IQCH: variants seen among roughly 807,000 people sequenced by gnomAD.
IQCH encodes IQ motif containing H, also known as IQ domain-containing protein H.
In IQCH, 98 loss-of-function variants were observed where a neutral mutation model predicts 117.0. That is an observed-to-expected ratio of 0.84 (90% CI 0.71 to 0.99). IQCH has a LOEUF of 0.99. Among genes scored for constraint, IQCH ranks in the 50% least tolerant of loss-of-function variants. IQCH has a pLI of 0.00. For synonymous variants in IQCH, 412 were observed against 448.2 expected (o/e 0.92, Z 1.02); for missense variants, 1,102 against 1,243.8 (o/e 0.89, Z 1.72).
intron 3 of IQCH, among the ~76,000 whole-genome samples, chr15:67,276,222 G>C (rs1439157186): frequency 6.6e-6 from 1 of 152,158 alleles, no homozygotes; most frequent in African/African-American, 2.4e-5. Flanking sequence ...ACCATCCATA[G>C]AAGTAAAAGG....
intron 16 of IQCH, among the ~76,000 whole-genome samples, chr15:67,437,643 CCAAAAAATGATA>C (rs2082170699): frequency 6.6e-6 from 1 of 151,868 alleles, no homozygotes; most frequent in Non-Finnish European, 1.5e-5. Context: ...GCAAGGAAAT[CCAAAAAATGATA>C]CAAGAAATGA....
At chr15:67,305,861 T>G (rs1967267162) in intron 4 of IQCH, among the ~76,000 whole-genome samples, 1 of 152,128 alleles carries the variant, frequency 6.6e-6, no homozygotes, top group Non-Finnish European at 1.5e-5. Context: ...AGTCATTAAT[T>G]GTGTATTTTT....
intron 16 of IQCH, among the ~76,000 whole-genome samples, chr15:67,438,259 A>G (rs1567188696): frequency 6.6e-6 from 1 of 152,220 alleles, no homozygotes. Flanking sequence ...CTCCTCAAAC[A>G]AAACAATTAT....
In IQCH at chr15:67,474,816, A is replaced by G. The variant is rs1451227972; in HGVS notation, c.2677-880A>G. 6.6e-6 allele frequency among the ~76,000 whole-genome samples: 1 copy of G among 152,232 alleles called. No individual in the cohort carries two copies. The highest frequency in any genetic ancestry group is 2.4e-5 in the African/African-American group (1 of 41,460). On this transcript the variant is annotated intron_variant, in intron 17 of 20. Transcript: ENST00000335894. This position sits in a 1 kb window ranked among gnomAD's most constrained non-coding sequence, Gnocchi z 4.1. ...CTTCAAAAGCCACTGTAGCCAGGTG[A>G]TAAAGGTTAACATCATCAGTGATAA...
In IQCH at chr15:67,411,013, G is replaced by C. The variant is rs2081435511; in HGVS notation, c.2098-5918G>C. Among the ~76,000 whole-genome samples, 1 of 152,088 alleles carries C rather than the reference G, an allele frequency of 6.6e-6. No homozygotes were observed. Among genetic ancestry groups the C allele is most frequent in the South Asian group, 2.1e-4 (1 of 4,814 alleles). On this transcript the variant is annotated intron_variant, in intron 14 of 20. Coordinates refer to ENST00000335894, the MANE Select transcript of IQCH (RefSeq NM_001031715.3). The surrounding 1 kb of genome is among the most constrained non-coding windows in gnomAD (Gnocchi z 4.4). ...TCAGAGAGTGGCTGAGATAATAAAT[G>C]TAAACCACCCCCACCCCACCCCTGC...
chr15:67,489,595 C>T (rs1330439039), intron 18 of IQCH, among the ~76,000 whole-genome samples: 3 of 151,766 alleles, frequency 2.0e-5, no homozygotes, highest in African/African-American at 7.3e-5. Context: ...GAATTACAGG[C>T]GTGAGTCACC....
In IQCH at chr15:67,424,985, G is replaced by A. The variant is rs924591949; in HGVS notation, c.2505+3408G>A. Among the ~76,000 whole-genome samples the A allele has an allele frequency of 2.6e-5, 4 of 152,092 alleles. No individual in the cohort carries two copies. The highest frequency in any genetic ancestry group is 4.8e-5 in the African/African-American group (2 of 41,410). ...ACATGCCTTGTGATGCCATTGAAGC[G>A]ACTGGCAGGCATATTATCAACCTCT... On this transcript the variant is annotated intron_variant, in intron 16 of 20. Coordinates refer to ENST00000335894, the MANE Select transcript of IQCH (RefSeq NM_001031715.3). The surrounding 1 kb of genome is among the most constrained non-coding windows in gnomAD (Gnocchi z 4.9).
At chr15:67,336,825 G>C (rs927045517) in intron 4 of IQCH, 150 bp from the exon 5 acceptor site, 5 of 649,704 alleles carry the variant, frequency 7.7e-6, no homozygotes, top group Admixed American at 2.9e-5. Context: ...CAATAGCACA[G>C]GGTATTCATG....
chr15:67,287,771 T>C (rs1966615216), intron 4 of IQCH, among the ~76,000 whole-genome samples: 1 of 152,044 alleles, frequency 6.6e-6, no homozygotes, highest in Non-Finnish European at 1.5e-5. Flanking sequence ...TTTCTTTTCT[T>C]CTGCTAATTT....
chr15:67,490,805 T>C lies in IQCH; in HGVS notation c.2861+741T>C, dbSNP rs768686836. On this transcript the variant is annotated intron_variant, in intron 19 of 20. Coordinates refer to ENST00000335894, the MANE Select transcript of IQCH (RefSeq NM_001031715.3). The surrounding 1 kb of genome is among the most constrained non-coding windows in gnomAD (Gnocchi z 4.9). Reference sequence around the variant, plus strand: ...AGATCCAGTTTCAACCCGGGCGCAGTCTTCTCAAGGTACGCATGCACTGAG... The same window carrying C: ...AGATCCAGTTTCAACCCGGGCGCAGCCTTCTCAAGGTACGCATGCACTGAG... Among the ~76,000 whole-genome samples the C allele has an allele frequency of 4.6e-5, 7 of 152,162 alleles. No homozygotes were observed. The highest frequency in any genetic ancestry group is 8.8e-5 in the Non-Finnish European group (6 of 68,038).
intron 3 of IQCH, among the ~76,000 whole-genome samples, chr15:67,272,542 T>C (rs1390353873): frequency 2.0e-5 from 3 of 152,228 alleles, no homozygotes; most frequent in Non-Finnish European, 2.9e-5. Context: ...CTTACTATTA[T>C]TGTGTTGCAA....
intron 10 of IQCH, among the ~76,000 whole-genome samples, chr15:67,377,317 GT>G (rs1401908422): frequency 6.6e-6 from 1 of 151,910 alleles, no homozygotes; most frequent in Admixed American, 6.6e-5. Flanking sequence ...ATTTTTCAGA[GT>G]TTATAGGCTG....
chr15:67,462,982 A>C (rs2082835461), intron 16 of IQCH, among the ~76,000 whole-genome samples: 1 of 152,226 alleles, frequency 6.6e-6, no homozygotes. Context: ...TTGCTATTAT[A>C]AAAGGGCATT....
At chr15:67,300,315 T>G (rs1966960791) in intron 4 of IQCH, among the ~76,000 whole-genome samples, 1 of 152,122 alleles carries the variant, frequency 6.6e-6, no homozygotes, top group Non-Finnish European at 1.5e-5. Flanking sequence ...AGAATAGTAC[T>G]TTATAATTTA....
In IQCH at chr15:67,394,402, G is replaced by A. The variant is rs893576046; in HGVS notation, c.1633-889G>A. Among the ~76,000 whole-genome samples, 29 of 152,288 alleles carry A rather than the reference G, an allele frequency of 1.9e-4. 1 individual carries two copies. The highest frequency in any genetic ancestry group is 1.7e-3 in the Admixed American group (26 of 15,292). ...ATGAGGAAACAGGCACAAGGAGAAT[G>A]TGTATTTGCCTTTTCAGCATTCCCC... On this transcript the variant is annotated intron_variant, in intron 12 of 20. Coordinates refer to ENST00000335894, the MANE Select transcript of IQCH (RefSeq NM_001031715.3).
Position 67,475,219 on chromosome 15 carries a change from G to T in IQCH, c.2677-477G>T, listed in dbSNP as rs564647144. ...GGGCCAGGTGTGGTGGCTCACGCCG[G>T]TAATTCCAGCATTTTGGGAGGCCGA... is the stretch of plus-strand genomic sequence containing the variant. On this transcript the variant is annotated intron_variant, in intron 17 of 20. Transcript: ENST00000335894. This position sits in a 1 kb window ranked among gnomAD's most constrained non-coding sequence, Gnocchi z 5.7. Among the ~76,000 whole-genome samples the T allele has an allele frequency of 4.9e-4, 75 of 152,340 alleles. No homozygotes were observed. The Middle Eastern group carries it at 0.017, about 35-fold the overall frequency.
chr15:67,264,688 G>A (rs1965596119), intron 3 of IQCH, among the ~76,000 whole-genome samples: 1 of 152,036 alleles, frequency 6.6e-6, no homozygotes, highest in African/African-American at 2.4e-5. Flanking sequence ...TGTTAGAAGT[G>A]AGCCAGTAGG....
intron 3 of IQCH, among the ~76,000 whole-genome samples, chr15:67,276,931 C>G (rs1168905911): frequency 6.6e-6 from 1 of 152,142 alleles, no homozygotes; most frequent in East Asian, 1.9e-4. Context: ...TCCTTTGTCC[C>G]TTCTCTTGTA....
At chr15:67,290,936 T>C (rs1966728545) in intron 4 of IQCH, among the ~76,000 whole-genome samples, 1 of 80,472 alleles carries the variant, frequency 1.2e-5, no homozygotes, top group Non-Finnish European at 3.4e-5. Context: ...TTTGGAGCAC[T>C]GCTGGCCTTT....
Sources: allele counts gnomAD v4.1 joint callset (sites outside exome capture counted in the v4.1 genomes callset), GRCh38; gene constraint gnomAD v4.1.1; non-coding constraint Gnocchi (gnomAD v3.1); transcripts MANE v1.5; gene names NCBI Gene and HGNC (gene_info 2026-07-23, HGNC 2026-07-21).